The following CSNK1G3 variants were observed in gnomAD, a reference collection of about 807,000 sequenced individuals.
CSNK1G3 encodes casein kinase I isoform gamma-3.
CSNK1G3 carries 23 observed loss-of-function variants against 64.3 expected under a neutral mutation model. The ratio of observed to expected loss-of-function variants is 0.36; its 90% CI spans 0.26 to 0.51. The LOEUF is 0.51. CSNK1G3 is among the 20% of genes least tolerant of loss of function. The pLI, the probability that CSNK1G3 is intolerant of heterozygous loss-of-function variation, is 0.96. For synonymous variants in CSNK1G3, 158 were observed against 162.2 expected (o/e 0.97, Z 0.20); for missense variants, 357 against 510.5 (o/e 0.70, Z 2.90).
At chr5:123,581,975 A>G (rs573865947) in intron 6 of CSNK1G3, among the ~76,000 whole-genome samples, 2 of 151,972 alleles carry the variant, frequency 1.3e-5, no homozygotes, top group African/African-American at 4.8e-5. Context: ...TGCTTAGCCA[A>G]CATGTCTTTT....
intron 1 of CSNK1G3, among the ~76,000 whole-genome samples, chr5:123,539,435 A>AT (rs1249414409): frequency 4.4e-5 from 4 of 91,570 alleles, no homozygotes; most frequent in Admixed American, 1.1e-4. Flanking sequence ...GAAAGAGCAG[A>AT]TTAAAAAAAA....
At chr5:123,580,836 A>G (rs958619593) in intron 6 of CSNK1G3, among the ~76,000 whole-genome samples, 9 of 151,826 alleles carry the variant, frequency 5.9e-5, no homozygotes, top group African/African-American at 1.7e-4. Context: ...TTAAATTTTT[A>G]TTGATTATTC....
exon 13 of CSNK1G3, chr5:123,614,389 A>G (rs1581485438): frequency 6.2e-7 from 1 of 1,613,086 alleles, no homozygotes; most frequent in East Asian, 2.2e-5. Flanking sequence ...ATACAGCGCC[A>G]CAAATGACTC....
intron 4 of CSNK1G3, among the ~76,000 whole-genome samples, chr5:123,562,132 G>T (rs557277700): frequency 7.2e-5 from 11 of 151,760 alleles, no homozygotes; most frequent in Non-Finnish European, 1.5e-4. Flanking sequence ...CTATTTTCAC[G>T]TCTGTATTCT....
chr5:123,571,329 G>A (rs1306219474), intron 4 of CSNK1G3, among the ~76,000 whole-genome samples: 2 of 151,998 alleles, frequency 1.3e-5, no homozygotes, highest in Non-Finnish European at 2.9e-5. Flanking sequence ...TGTCGCCCAG[G>A]CTGGAGTGCA....
chr5:123,557,934 A>G (rs1241109960), intron 4 of CSNK1G3, among the ~76,000 whole-genome samples: 1 of 152,230 alleles, frequency 6.6e-6, no homozygotes, highest in Non-Finnish European at 1.5e-5. Flanking sequence ...TAGAACCTCT[A>G]CATGTTACTG....
At position 123,573,943 on chromosome 5, in the gene CSNK1G3, G is replaced by A. The variant is rs7712785; in HGVS notation, c.438+402G>A. On this transcript the variant is annotated intron_variant, in intron 5 of 12. Coordinates refer to ENST00000345990, the Ensembl canonical transcript of CSNK1G3. ...TGGCTCACTGCAACCTCTGCCTCCCGGGTTCAAGCAATTCTCCTGCCTCAG... is the reference window on the plus strand; with the variant it reads ...TGGCTCACTGCAACCTCTGCCTCCCAGGTTCAAGCAATTCTCCTGCCTCAG... Among the ~76,000 whole-genome samples, 678 of 150,604 alleles carry A rather than the reference G, an allele frequency of 4.5e-3. 7 individuals are homozygous for A. The highest frequency in any genetic ancestry group is 0.016 in the African/African-American group (636 of 40,806).
intron 4 of CSNK1G3, among the ~76,000 whole-genome samples, chr5:123,566,687 A>T (rs1218971060): frequency 6.6e-6 from 1 of 152,178 alleles, no homozygotes; most frequent in Non-Finnish European, 1.5e-5. Flanking sequence ...CTCAGTGATT[A>T]AAAAAACTGT....
intron 1 of CSNK1G3, among the ~76,000 whole-genome samples, chr5:123,538,354 A>C (rs934578167): frequency 6.6e-5 from 10 of 152,122 alleles, no homozygotes; most frequent in Admixed American, 5.2e-4. Flanking sequence ...CAGTCTTTTA[A>C]ATGTTAGCTA....
rs1221269896 is a variant in CSNK1G3, at chr5:123,604,923, T to A, written c.1193+93T>A. On this transcript the variant is annotated intron_variant, in intron 11 of 12. Coordinates refer to ENST00000345990, the Ensembl canonical transcript of CSNK1G3. ...TTACATACAATTATTTCAGGAAATT[T>A]TTTTCAGGGAATAGGTGCATGCAAA... The A allele has an allele frequency of 1.0e-5, 10 of 981,934 alleles. 1 individual carries two copies. The allele number at this position is 981,934 out of a possible 1,614,324, so 60.8% of individuals were successfully genotyped here. A position where few individuals can be genotyped will look rare whatever the true frequency, so the allele number is the denominator to read the frequency against.
chr5:123,616,999 C>A (rs928696647), exon 13 of CSNK1G3: 2 of 152,114 alleles, frequency 1.3e-5, no homozygotes, highest in South Asian at 2.1e-4. Flanking sequence ...AATTATACTT[C>A]TCTGAACTGT....
At chr5:123,573,272 GA>G in intron 4 of CSNK1G3, 120 bp from the exon 5 acceptor site, 1 of 1,033,052 alleles carries the variant, frequency 9.7e-7, no homozygotes, top group Non-Finnish European at 1.4e-6. Context: ...TATGTATCTG[GA>G]AAAAGTGATA....
At chr5:123,600,539 C>T (rs922517122) in intron 10 of CSNK1G3, among the ~76,000 whole-genome samples, 1 of 151,440 alleles carries the variant, frequency 6.6e-6, no homozygotes, top group African/African-American at 2.4e-5. Context: ...GCAGGAGAAT[C>T]GCTTGAACCC....
At chr5:123,608,416 TTACTG>T (rs1283460900) in intron 12 of CSNK1G3, among the ~76,000 whole-genome samples, 14 of 152,278 alleles carry the variant, frequency 9.2e-5, no homozygotes, top group African/African-American at 3.1e-4. Context: ...TCTTTCTTGT[TTACTG>T]TAGCTGAGAA....
intron 4 of CSNK1G3, among the ~76,000 whole-genome samples, chr5:123,571,500 G>T (rs902578015): frequency 1.1e-4 from 16 of 151,974 alleles, no homozygotes; most frequent in Admixed American, 8.5e-4. Flanking sequence ...AGAAATACTT[G>T]TCTCATCCAA....
At chr5:123,616,562 G>C (rs537276056) in exon 13 of CSNK1G3, 56 of 152,620 alleles carry the variant, frequency 3.7e-4, no homozygotes, top group Non-Finnish European at 7.4e-4. Flanking sequence ...TAATGCCGAG[G>C]AATAAGTCTT....
intron 4 of CSNK1G3, among the ~76,000 whole-genome samples, chr5:123,570,859 A>G (rs1206009025): frequency 6.6e-6 from 1 of 152,216 alleles, no homozygotes; most frequent in Non-Finnish European, 1.5e-5. Context: ...CATTATGGAA[A>G]GAATTTTCAA....
chr5:123,547,410 A>G (rs1311353598), intron 2 of CSNK1G3, among the ~76,000 whole-genome samples: 1 of 152,212 alleles, frequency 6.6e-6, no homozygotes, highest in African/African-American at 2.4e-5. Context: ...GAATACACAC[A>G]CATATATACA....
chr5:123,552,705 A>G (rs1029596640), intron 2 of CSNK1G3, among the ~76,000 whole-genome samples: 1 of 152,224 alleles, frequency 6.6e-6, no homozygotes, highest in South Asian at 2.1e-4. Flanking sequence ...TCTCATAATA[A>G]TGATGAATTT....
Sources: allele counts gnomAD v4.1 joint callset (sites outside exome capture counted in the v4.1 genomes callset), GRCh38; gene constraint gnomAD v4.1.1; transcripts MANE v1.5; gene names NCBI Gene and HGNC (gene_info 2026-07-23, HGNC 2026-07-21).